RASSF8: variants seen among roughly 807,000 people sequenced by gnomAD.
RASSF8 encodes ras association domain-containing protein 8.
A neutral mutation model predicts 48.5 loss-of-function variants in RASSF8; 22 were observed. The ratio of observed to expected loss-of-function variants is 0.45; its 90% CI spans 0.32 to 0.65. The LOEUF is 0.65. RASSF8 is among the 30% of genes least tolerant of loss of function. RASSF8 has a pLI of 0.03. For synonymous variants in RASSF8, 127 were observed against 171.5 expected, an observed-to-expected ratio of 0.74 and a Z score of 2.03; for missense variants, 418 against 489.2, an observed-to-expected ratio of 0.85 and a Z score of 1.37.
chr12:26,031,048 T>A (rs1326629431), intron 2 of RASSF8, among the ~76,000 whole-genome samples: 3 of 152,224 alleles, frequency 2.0e-5, no homozygotes, highest in Non-Finnish European at 2.9e-5. Context: ...TAAATATGTC[T>A]GCAGCTTTTA....
At chr12:26,041,059 T>C (rs1192236477) in intron 2 of RASSF8, among the ~76,000 whole-genome samples, 1 of 151,660 alleles carries the variant, frequency 6.6e-6, no homozygotes, top group Non-Finnish European at 1.5e-5. Flanking sequence ...GGTTAATTTT[T>C]TTTTTTGTAT....
chr12:26,026,446 T>C (rs1289797320), intron 2 of RASSF8, among the ~76,000 whole-genome samples: 1 of 152,206 alleles, frequency 6.6e-6, no homozygotes, highest in African/African-American at 2.4e-5. Context: ...GTTTATTTTT[T>C]ATTTTTTGAG....
intron 1 of RASSF8, among the ~76,000 whole-genome samples, chr12:25,971,186 G>A (rs1941476016): frequency 6.6e-6 from 1 of 152,188 alleles, no homozygotes; most frequent in Admixed American, 6.5e-5. Flanking sequence ...AACTGATTAT[G>A]TCCTTGCTGC....
intron 3 of RASSF8, among the ~76,000 whole-genome samples, chr12:26,063,683 A>G (rs1381752076): frequency 6.6e-6 from 1 of 151,322 alleles, no homozygotes; most frequent in Non-Finnish European, 1.5e-5. Flanking sequence ...TACAGGTGTG[A>G]GCCACTGCAC....
intron 2 of RASSF8, among the ~76,000 whole-genome samples, chr12:26,005,356 G>A (rs1376720565): frequency 6.6e-6 from 1 of 151,990 alleles, no homozygotes; most frequent in African/African-American, 2.4e-5. Flanking sequence ...GTAAAAATGG[G>A]GTCAGTATGT....
intron 4 of RASSF8, 99 bp from the exon 5 acceptor site, chr12:26,067,470 T>C (rs1943901206): frequency 1.6e-6 from 2 of 1,240,314 alleles, no homozygotes; most frequent in Non-Finnish European, 2.2e-6. Flanking sequence ...AAGCAGATGT[T>C]GCACATTTAA....
intron 2 of RASSF8, among the ~76,000 whole-genome samples, chr12:26,019,890 G>A (rs1942747461): frequency 6.6e-6 from 1 of 152,006 alleles, no homozygotes; most frequent in South Asian, 2.1e-4. Flanking sequence ...TTGATTGGTT[G>A]ATAATTATTT....
intron 2 of RASSF8, among the ~76,000 whole-genome samples, chr12:26,025,021 T>C (rs1420690983): frequency 6.6e-6 from 1 of 152,104 alleles, no homozygotes; most frequent in East Asian, 1.9e-4. Flanking sequence ...TACATGATTA[T>C]TTCAATAAAA....
chr12:26,058,588 A>T (rs1943668899), intron 3 of RASSF8, among the ~76,000 whole-genome samples: 1 of 152,152 alleles, frequency 6.6e-6, no homozygotes, highest in African/African-American at 2.4e-5. Flanking sequence ...TAGGAGTTAC[A>T]GGTTTTTTTC....
chr12:26,057,589 C>A (rs1205606785), intron 3 of RASSF8, among the ~76,000 whole-genome samples: 1 of 152,088 alleles, frequency 6.6e-6, no homozygotes, highest in Non-Finnish European at 1.5e-5. Flanking sequence ...AATAAACATA[C>A]GTGTGCGTGT....
intron 2 of RASSF8, among the ~76,000 whole-genome samples, chr12:26,031,081 TGAA>T: frequency 6.6e-6 from 1 of 152,172 alleles, no homozygotes. Flanking sequence ...TCAGTATAAA[TGAA>T]GACTCTTTAC....
At chr12:26,049,933 C>T (rs577973868) in intron 2 of RASSF8, among the ~76,000 whole-genome samples, 15 of 152,196 alleles carry the variant, frequency 9.9e-5, no homozygotes, top group South Asian at 2.1e-4. Context: ...TACAGGTGCC[C>T]GCCACCACGC....
At chr12:26,063,277 T>C (rs1349618690) in intron 3 of RASSF8, among the ~76,000 whole-genome samples, 2 of 152,232 alleles carry the variant, frequency 1.3e-5, no homozygotes, top group Non-Finnish European at 2.9e-5. Context: ...TGAAAATATT[T>C]AAAAAGCATG....
At chr12:26,054,850 A>T (rs79359016) in intron 2 of RASSF8, among the ~76,000 whole-genome samples, 2 of 152,200 alleles carry the variant, frequency 1.3e-5, no homozygotes, top group African/African-American at 4.8e-5. Context: ...AAGTGGTTCA[A>T]TTTTATTGAT....
intron 2 of RASSF8, among the ~76,000 whole-genome samples, chr12:26,006,962 A>G (rs1342427720): frequency 1.3e-5 from 2 of 152,202 alleles, no homozygotes; most frequent in Non-Finnish European, 2.9e-5. Context: ...CTGATGTCTC[A>G]AAAAGTTCAA....
At chr12:26,001,035 A>G (rs1343961862) in intron 2 of RASSF8, among the ~76,000 whole-genome samples, 1 of 117,462 alleles carries the variant, frequency 8.5e-6, no homozygotes, top group Admixed American at 1.2e-4. Flanking sequence ...CCCAGGCTGG[A>G]GTGCAGTGGC....
intron 5 of RASSF8, among the ~76,000 whole-genome samples, 156 bp from the exon 6 acceptor site, chr12:26,068,540 GT>G (rs1943932130): frequency 6.6e-6 from 1 of 152,154 alleles, no homozygotes. Flanking sequence ...ACCTGAGAAG[GT>G]TTTAGCCTTC....
intron 1 of RASSF8, among the ~76,000 whole-genome samples, chr12:25,984,836 G>C (rs1268539673): frequency 1.3e-5 from 2 of 152,146 alleles, no homozygotes; most frequent in African/African-American, 2.4e-5. Context: ...TCTTTTGCCT[G>C]TTCAACATTT....
At chr12:26,012,281 C>T (rs1356460705) in intron 2 of RASSF8, among the ~76,000 whole-genome samples, 2 of 152,208 alleles carry the variant, frequency 1.3e-5, no homozygotes, top group African/African-American at 4.8e-5. Flanking sequence ...GCACTTAGAA[C>T]ATCTCCCGGC....
Sources: gnomAD v4.1 joint callset for allele counts (sites outside exome capture counted in the v4.1 genomes callset) on GRCh38, gnomAD v4.1.1 for gene constraint, MANE v1.5 for transcripts, NCBI Gene and HGNC (gene_info 2026-07-23, HGNC 2026-07-21) for gene names.